YWHAZ: variants seen among roughly 807,000 people sequenced by gnomAD.
YWHAZ encodes 14-3-3 protein zeta/delta.
For missense variants in YWHAZ, 79 were observed against 284.8 expected, an observed-to-expected ratio of 0.28 and a Z score of 5.20; for synonymous variants, 87 against 103.6, an observed-to-expected ratio of 0.84 and a Z score of 0.97.
intron 2 of YWHAZ, among the ~76,000 whole-genome samples, chr8:100,934,238 T>C (rs558006605): frequency 6.9e-6 from 1 of 144,568 alleles, no homozygotes; most frequent in East Asian, 2.1e-4. Context: ...AAGGCTGAGA[T>C]GGGAGGATCA....
chr8:100,923,897 G>C (rs1276584497), intron 5 of YWHAZ, 58 bp downstream of exon 5: 3 of 1,414,426 alleles, frequency 2.1e-6, no homozygotes, highest in African/African-American at 1.5e-5. Context: ...AAATTCCCTA[G>C]AGTAAAACAT....
intron 2 of YWHAZ, among the ~76,000 whole-genome samples, chr8:100,938,252 A>C (rs1193324375): frequency 6.6e-6 from 1 of 152,230 alleles, no homozygotes; most frequent in East Asian, 1.9e-4. Flanking sequence ...GTCATGTTTC[A>C]ATCTACAATA....
chr8:100,953,299 G>A, upstream of YWHAZ: 1 of 985,570 alleles, frequency 1.0e-6, no homozygotes. Context: ...AGGTTTGAGG[G>A]ACGTCGTAGT....
chr8:100,920,479 C>T lies in YWHAZ; in HGVS notation c.*214G>A. The T allele has an allele frequency of 1.8e-6, 1 of 571,050 alleles. No homozygotes were observed. The highest frequency in any genetic ancestry group is 3.0e-5 in the East Asian group (1 of 33,090). 35.4% of individuals were successfully genotyped at this position (571,050 alleles called of 1,614,324 possible). A position where few individuals can be genotyped will look rare whatever the true frequency, so the allele number is the denominator to read the frequency against. On this transcript the variant is annotated 3_prime_UTR_variant, in exon 6 of 6. Coordinates refer to ENST00000395958, the MANE Select transcript of YWHAZ (RefSeq NM_145690.3). Reference sequence around the variant, plus strand: ...AAATTCCACATCCCCATATTGGCCACCTCAAGATGAAAACAGATAACTCCC... The same window carrying T: ...AAATTCCACATCCCCATATTGGCCATCTCAAGATGAAAACAGATAACTCCC...
intron 5 of YWHAZ, 45 bp from the exon 6 acceptor site, chr8:100,920,797 G>GT (rs752681104): frequency 4.8e-6 from 4 of 841,370 alleles, no homozygotes; most frequent in East Asian, 1.0e-4. Flanking sequence ...CAGTGGGATG[G>GT]GGGGGGGGGG....
rs1563661819 is a variant in YWHAZ at position 100,918,412 on chromosome 8, A to ATATATATATATATATT, written c.*2280_*2281insAATATATATATATATA. ...TAGCTATAAAATATAATTACTTTAT[A>ATATATATATATATATT]TATATATATATATATATATATATAT... On this transcript the variant is annotated 3_prime_UTR_variant, in exon 6 of 6. Coordinates refer to ENST00000395958, the MANE Select transcript of YWHAZ (RefSeq NM_145690.3). 2 of 54,462 alleles carry ATATATATATATATATT rather than the reference A, an allele frequency of 3.7e-5. No individual in the cohort carries two copies. Among genetic ancestry groups the ATATATATATATATATT allele is most frequent in the African/African-American group, 1.6e-4 (2 of 12,168 alleles). The allele number at this position is 54,462 out of a possible 1,614,324, so 3.4% of individuals were successfully genotyped here.
chr8:100,937,285 C>CTTT (rs574435172), intron 2 of YWHAZ, among the ~76,000 whole-genome samples: 34 of 142,696 alleles, frequency 2.4e-4, no homozygotes, highest in African/African-American at 8.0e-4. Context: ...CCTTTATATG[C>CTTT]TTTTTTTTTT....
chr8:100,921,449 T>G (rs1033872682), intron 5 of YWHAZ, among the ~76,000 whole-genome samples: 1 of 152,194 alleles, frequency 6.6e-6, no homozygotes, highest in Non-Finnish European at 1.5e-5. Context: ...TGGCCCATGC[T>G]GAAGGAGCTA....
chr8:100,953,165 G>T, upstream of YWHAZ: 2 of 985,766 alleles, frequency 2.0e-6, no homozygotes, highest in Non-Finnish European at 2.4e-6. Flanking sequence ...CCCGGAGACA[G>T]GCAGTCAGGC....
Position 100,918,406 on chromosome 8 carries a change from CTTTATATA to C in YWHAZ, c.*2279_*2286del, listed in dbSNP as rs1290636899. On this transcript the variant is annotated 3_prime_UTR_variant, in exon 6 of 6. Transcript: ENST00000395958. ...TCAGTCTAGCTATAAAATATAATTA[CTTTATATA>C]TATATATATATATATATATATATAT... The C allele has an allele frequency of 5.1e-5, 1 of 19,618 alleles. No individual in the cohort carries two copies. Among genetic ancestry groups the C allele is most frequent in the Non-Finnish European group, 1.1e-4 (1 of 8,972 alleles). The allele number at this position is 19,618 out of a possible 1,614,324, so 1.2% of individuals were successfully genotyped here.
intron 2 of YWHAZ, among the ~76,000 whole-genome samples, chr8:100,940,992 T>G (rs1809807656): frequency 6.6e-6 from 1 of 152,166 alleles, no homozygotes; most frequent in African/African-American, 2.4e-5. Flanking sequence ...CTCCATTAGA[T>G]GGCAACAATC....
chr8:100,947,651 T>C lies in YWHAZ; in HGVS notation c.294+945A>G, dbSNP rs58143891. Among the ~76,000 whole-genome samples the C allele has an allele frequency of 9.7e-4, 148 of 152,352 alleles. 1 individual carries two copies. The highest frequency in any genetic ancestry group is 3.5e-3 in the African/African-American group (144 of 41,590). ...CACAACCACATCAGACATTATCCTA[T>C]TGCTCATTATAGCACTTCTTCCATA... On this transcript the variant is annotated intron_variant, in intron 2 of 5. Coordinates refer to ENST00000395958, the MANE Select transcript of YWHAZ (RefSeq NM_145690.3).
chr8:100,920,135 G>C lies in YWHAZ; in HGVS notation c.*558C>G, dbSNP rs1250849092. On this transcript the variant is annotated 3_prime_UTR_variant, in exon 6 of 6. Coordinates refer to ENST00000395958, the MANE Select transcript of YWHAZ (RefSeq NM_145690.3). ...TTTCTGCCCTTATCCAGAGTAAAAT[G>C]GGTCACAACTTTGTCTAAAGGAACA... is the stretch of plus-strand genomic sequence containing the variant. The C allele has an allele frequency of 1.3e-5, 2 of 152,566 alleles. No homozygotes were observed. The highest frequency in any genetic ancestry group is 2.9e-5 in the Non-Finnish European group (2 of 68,108). 9.5% of individuals were successfully genotyped at this position (152,566 alleles called of 1,614,324 possible). A position where few individuals can be genotyped will look rare whatever the true frequency, so the allele number is the denominator to read the frequency against.
intron 1 of YWHAZ, among the ~76,000 whole-genome samples, chr8:100,950,754 G>A (rs1029011145): frequency 2.0e-5 from 3 of 151,710 alleles, no homozygotes; most frequent in Admixed American, 2.0e-4. Flanking sequence ...CCCCGCCGCG[G>A]ACACACCCCG....
rs1350708129 is a variant in YWHAZ at position 100,924,060 on chromosome 8, A to T, written c.583-10T>A. 6.8e-6 allele frequency: 11 copies of T among 1,608,788 alleles called. No homozygotes were observed. The highest frequency in any genetic ancestry group is 9.3e-6 in the Non-Finnish European group (11 of 1,178,558). On this transcript the variant is annotated splice_polypyrimidine_tract_variant and intron_variant, in intron 4 of 5. Transcript: ENST00000395958. This position sits in a 1 kb window ranked among gnomAD's most constrained non-coding sequence, Gnocchi z 5.7. ...TGGCTTCATCAAAAGCCTACGATTT[A>T]AAAATAGTACATTACATTTCAGTGC...
chr8:100,933,345 T>G (rs146460757), intron 2 of YWHAZ, among the ~76,000 whole-genome samples: 2,588 of 143,178 alleles, frequency 0.018, 82 homozygotes, highest in African/African-American at 0.062. Context: ...GGTAACAGAG[T>G]GAGCCTCCGT....
chr8:100,949,588 A>G (rs571938586), intron 1 of YWHAZ, among the ~76,000 whole-genome samples: 2 of 152,210 alleles, frequency 1.3e-5, no homozygotes, highest in South Asian at 2.1e-4. Flanking sequence ...TTATCTTGTT[A>G]TATGTCCACA....
rs1422386343 is a variant in YWHAZ at position 100,917,063 on chromosome 8, C to T, written c.*3630G>A. On this transcript the variant is annotated 3_prime_UTR_variant, in exon 6 of 6. Coordinates refer to ENST00000395958, the MANE Select transcript of YWHAZ (RefSeq NM_145690.3). ...TCCCTAGAGGAATGTGTAAGACCAT[C>T]ATTGAGCATAGAGCACCAGTTTTCA... 6.6e-6 allele frequency: 1 copy of T among 152,096 alleles called. No homozygotes were observed. The highest frequency in any genetic ancestry group is 1.5e-5 in the Non-Finnish European group (1 of 68,038). The allele number at this position is 152,096 out of a possible 1,614,324, so 9.4% of individuals were successfully genotyped here.
rs545551161 is a variant in YWHAZ at position 100,937,577 on chromosome 8, G to T, written c.294+11019C>A. Reference sequence around the variant, plus strand: ...AATTGAAATTTGCGAATACAGCTGGGCTAACTTTGACATGACCTCACCAAA... The same window carrying T: ...AATTGAAATTTGCGAATACAGCTGGTCTAACTTTGACATGACCTCACCAAA... On this transcript the variant is annotated intron_variant, in intron 2 of 5. Coordinates refer to ENST00000395958, the MANE Select transcript of YWHAZ (RefSeq NM_145690.3). Among the ~76,000 whole-genome samples, 12 of 152,118 alleles carry T rather than the reference G, an allele frequency of 7.9e-5. No individual in the cohort carries two copies. In the East Asian group the frequency reaches 9.6e-4, roughly 12 times the overall value.
Sources: gnomAD v4.1 joint callset for allele counts (sites outside exome capture counted in the v4.1 genomes callset) on GRCh38, gnomAD v4.1.1 for gene constraint, Gnocchi (gnomAD v3.1) non-coding constraint, MANE v1.5 for transcripts, NCBI Gene and HGNC (gene_info 2026-07-23, HGNC 2026-07-21) for gene names.